AKAP6: variants seen among roughly 807,000 people sequenced by gnomAD.
The protein encoded by AKAP6 is A-kinase anchor protein 6.
AKAP6 carries 58 observed loss-of-function variants against 188.5 expected under a neutral mutation model. The ratio of observed to expected loss-of-function variants is 0.31; its 90% CI spans 0.25 to 0.38. The LOEUF is 0.38. Among genes scored for constraint, AKAP6 ranks in the 10% least tolerant of loss-of-function variants. The pLI is 1.00. For missense variants in AKAP6, 2,710 were observed against 2,740.0 expected (o/e 0.99, Z 0.24); for synonymous variants, 989 against 998.6 (o/e 0.99, Z 0.18).
At position 32,773,783 on chromosome 14, in the gene AKAP6, C is replaced by T; in HGVS notation, c.3478C>T (p.His1160Tyr). Residue 1160 changes from histidine to tyrosine, a missense_variant, in exon 12 of 14, where the codon CAC (histidine) becomes TAC (tyrosine). By Grantham distance (83) the His-to-Tyr change is moderately conservative. Coordinates refer to ENST00000280979, the MANE Select transcript of AKAP6 (RefSeq NM_004274.5). The stretch of plus-strand genomic sequence containing the variant: ...GGAGACTTGCAATCTGAATGCAGAC[C>T]ACCAGCCCATGCAGCTGATCATTGT... The part of the protein sequence containing the change: ...DRETCNLNAD[H>Y]QPMQLIIVNL... 1 of 1,614,082 alleles carries T rather than the reference C, an allele frequency of 6.2e-7. No individual in the cohort carries two copies. The highest frequency in any genetic ancestry group is 8.5e-7 in the Non-Finnish European group (1 of 1,179,976).
At chr14:32,339,201 G>A (rs561891518) in intron 1 of AKAP6, among the ~76,000 whole-genome samples, 40 of 152,220 alleles carry the variant, frequency 2.6e-4, no homozygotes, top group South Asian at 1.2e-3. Flanking sequence ...CATATGGTAG[G>A]TGCTCAATAA....
At chr14:32,751,473 AG>A (rs1457972073) in intron 11 of AKAP6, among the ~76,000 whole-genome samples, 3 of 147,428 alleles carry the variant, frequency 2.0e-5, no homozygotes, top group Non-Finnish European at 4.5e-5. Context: ...TCATTTATGT[AG>A]GACTAGGTAT....
intron 11 of AKAP6, among the ~76,000 whole-genome samples, chr14:32,738,534 C>A (rs1357703969): frequency 6.6e-6 from 1 of 152,088 alleles, no homozygotes; most frequent in African/African-American, 2.4e-5. Flanking sequence ...TATTGTTATA[C>A]TTAAAATATA....
intron 12 of AKAP6, among the ~76,000 whole-genome samples, chr14:32,799,464 TCTAAGC>T (rs1442117200): frequency 5.8e-5 from 7 of 120,800 alleles, no homozygotes; most frequent in African/African-American, 2.1e-4. Flanking sequence ...CCCTCTAAGC[TCTAAGC>T]ACTACTTTTG....
At chr14:32,570,153 A>G (rs1191529105) in intron 4 of AKAP6, among the ~76,000 whole-genome samples, 2 of 97,286 alleles carry the variant, frequency 2.1e-5, no homozygotes, top group East Asian at 3.6e-4. Context: ...TTTTTTTGAG[A>G]CAGAGTCTGT....
At chr14:32,761,859 G>A (rs559609466) in intron 11 of AKAP6, among the ~76,000 whole-genome samples, 120 of 152,150 alleles carry the variant, frequency 7.9e-4, no homozygotes, top group African/African-American at 2.8e-3. Flanking sequence ...TCTATTAAAA[G>A]CAAAGATGAT....
chr14:32,610,400 C>G (rs1886304262), intron 7 of AKAP6, among the ~76,000 whole-genome samples: 1 of 152,106 alleles, frequency 6.6e-6, no homozygotes, highest in Non-Finnish European at 1.5e-5. Flanking sequence ...TTTTCTCATT[C>G]CCTCCATCTA....
intron 8 of AKAP6, among the ~76,000 whole-genome samples, chr14:32,681,084 CT>C (rs1270314579): frequency 6.6e-6 from 1 of 152,088 alleles, no homozygotes; most frequent in African/African-American, 2.4e-5. Flanking sequence ...TATCAGTTGC[CT>C]TTTTTTCATC....
rs142933220 is a variant in AKAP6, at chr14:32,696,595, C to T, written c.3000+485C>T. On this transcript the variant is annotated intron_variant, in intron 9 of 13. Coordinates refer to ENST00000280979, the MANE Select transcript of AKAP6 (RefSeq NM_004274.5). ...GTTTATTAGTGATACATAGAGCAGA[C>T]GTTGTCATATTAAGTCAATACATTT... is the stretch of plus-strand genomic sequence containing the variant. Among the ~76,000 whole-genome samples, 573 of 152,204 alleles carry T rather than the reference C, an allele frequency of 3.8e-3. 7 individuals are homozygous for T. Among genetic ancestry groups the T allele is most frequent in the African/African-American group, 0.013 (545 of 41,530 alleles).
intron 1 of AKAP6, among the ~76,000 whole-genome samples, chr14:32,398,472 G>C (rs1888950779): frequency 6.6e-6 from 1 of 152,138 alleles, no homozygotes. Context: ...CTACAGGAGT[G>C]GCATTTCCCT....
rs748601364 is a variant in AKAP6 at position 32,773,904 on chromosome 14, CT to C, written c.3588+18del. ...ATGGGAAAGGAATCTGTGAGTGATG[CT>C]TTTTTTAAGCATAATTGTCTGTCAT... On this transcript the variant is annotated intron_variant, in intron 12 of 13. Transcript: ENST00000280979. 6.2e-7 allele frequency: 1 copy of C among 1,610,650 alleles called. No homozygotes were observed. Among genetic ancestry groups the C allele is most frequent in the Non-Finnish European group, 8.5e-7 (1 of 1,177,156 alleles).
At chr14:32,518,771 T>G (rs1332884807) in intron 2 of AKAP6, among the ~76,000 whole-genome samples, 1 of 152,166 alleles carries the variant, frequency 6.6e-6, no homozygotes, top group African/African-American at 2.4e-5. Context: ...AAAACACTAT[T>G]CAGGATATTA....
intron 3 of AKAP6, among the ~76,000 whole-genome samples, chr14:32,542,692 T>A (rs1883013565): frequency 6.6e-6 from 1 of 152,130 alleles, no homozygotes; most frequent in Admixed American, 6.5e-5. Context: ...CATGGTATTT[T>A]CAGAAAGTGA....
rs1458140061 is a variant in AKAP6, at chr14:32,833,887, A to G, written c.*4082A>G. ...CTATGTAAAAGTTGAGAGTAGAACA[A>G]AGATACTTGGTACTCATCCCTCAGG... On this transcript the variant is annotated 3_prime_UTR_variant, in exon 14 of 14. Transcript: ENST00000280979. 6.6e-6 allele frequency: 1 copy of G among 152,218 alleles called. No individual in the cohort carries two copies. The highest frequency in any genetic ancestry group is 6.5e-5 in the Admixed American group (1 of 15,282). The allele number at this position is 152,218 out of a possible 1,614,324, so 9.4% of individuals were successfully genotyped here.
intron 1 of AKAP6, among the ~76,000 whole-genome samples, chr14:32,404,689 G>GATATATATATATATATATATAT (rs1566485487): frequency 2.0e-4 from 1 of 4,946 alleles, no homozygotes; most frequent in Admixed American, 4.0e-3. Context: ...GAGGAGTCAG[G>GATATATATATATATATATATAT]AGATATATAT....
At chr14:32,638,984 T>C (rs1264470820) in intron 7 of AKAP6, among the ~76,000 whole-genome samples, 2 of 152,084 alleles carry the variant, frequency 1.3e-5, no homozygotes, top group Non-Finnish European at 2.9e-5. Flanking sequence ...GGAATTTTGG[T>C]TCTGAGATAG....
chr14:32,801,512 C>T (rs1033402848), intron 12 of AKAP6, among the ~76,000 whole-genome samples: 2 of 152,152 alleles, frequency 1.3e-5, no homozygotes, highest in Non-Finnish European at 2.9e-5. Flanking sequence ...GTTGTTACTA[C>T]TGTTAATTTA....
At chr14:32,521,894 T>G (rs962826074) in intron 2 of AKAP6, among the ~76,000 whole-genome samples, 6 of 152,034 alleles carry the variant, frequency 3.9e-5, no homozygotes, top group African/African-American at 1.2e-4. Flanking sequence ...AATCCTAAGC[T>G]AAAAGGACAA....
At chr14:32,800,153 C>CATATATACACATATATATACAT (rs2033901980) in intron 12 of AKAP6, among the ~76,000 whole-genome samples, 1 of 117,672 alleles carries the variant, frequency 8.5e-6, no homozygotes, top group African/African-American at 3.1e-5. Context: ...CACATATATA[C>CATATATACACATATATATACAT]ATATATATAC....
Sources: allele counts gnomAD v4.1 joint callset (sites outside exome capture counted in the v4.1 genomes callset), GRCh38; gene constraint gnomAD v4.1.1; transcripts MANE v1.5; gene names NCBI Gene and HGNC (gene_info 2026-07-23, HGNC 2026-07-21).